The following DOCK2 variants were observed in gnomAD, a reference collection of about 807,000 sequenced individuals.
DOCK2 encodes dedicator of cytokinesis protein 2.
In DOCK2, 87 loss-of-function variants were observed where a neutral mutation model predicts 248.9. The observed-to-expected ratio is 0.35, with a 90% CI of 0.29 to 0.42. The LOEUF is 0.42. Among genes scored for constraint, DOCK2 ranks in the 10% least tolerant of loss-of-function variants. The pLI is 1.00. For synonymous variants in DOCK2, 805 were observed against 821.6 expected, an observed-to-expected ratio of 0.98 and a Z score of 0.35; for missense variants, 1,747 against 2,300.2, an observed-to-expected ratio of 0.76 and a Z score of 4.92.
intron 27 of DOCK2, among the ~76,000 whole-genome samples, chr5:169,952,768 C>A (rs890011065): frequency 3.3e-5 from 5 of 152,128 alleles, no homozygotes; most frequent in African/African-American, 1.2e-4. Context: ...TCGTTTGATG[C>A]CGTTTCAATC....
At chr5:169,693,419 T>A (rs1561606005) in intron 9 of DOCK2, among the ~76,000 whole-genome samples, 1 of 152,132 alleles carries the variant, frequency 6.6e-6, no homozygotes, top group Non-Finnish European at 1.5e-5. Flanking sequence ...TCCTTTCATG[T>A]CAACTGGGAA....
At chr5:169,669,778 T>C (rs1239792903) in intron 3 of DOCK2, among the ~76,000 whole-genome samples, 1 of 152,230 alleles carries the variant, frequency 6.6e-6, no homozygotes, top group Non-Finnish European at 1.5e-5. Flanking sequence ...ATTGTCTCCA[T>C]GAGAGCAGGC....
At chr5:169,996,204 G>A in intron 30 of DOCK2, 40 bp downstream of exon 30, 1 of 1,599,056 alleles carries the variant, frequency 6.3e-7, no homozygotes, top group Non-Finnish European at 8.5e-7. Context: ...GAGCTGCCCA[G>A]GGCGTCTCTG....
intron 26 of DOCK2, among the ~76,000 whole-genome samples, chr5:169,828,297 A>T (rs951492486): frequency 2.0e-5 from 3 of 152,188 alleles, no homozygotes; most frequent in Non-Finnish European, 2.9e-5. Flanking sequence ...CTTTGCTAGT[A>T]GTTTTTCTAA....
chr5:169,906,491 GTT>G (rs141825304), intron 27 of DOCK2, among the ~76,000 whole-genome samples: 3,457 of 152,234 alleles, frequency 0.023, 116 homozygotes, highest in African/African-American at 0.075. Context: ...GTTACGTTAT[GTT>G]ATGTTATTTC....
chr5:169,993,449 C>A (rs1778259501), intron 29 of DOCK2, among the ~76,000 whole-genome samples: 1 of 152,124 alleles, frequency 6.6e-6, no homozygotes, highest in African/African-American at 2.4e-5. Context: ...GGTTACATTA[C>A]TGCTATTTCA....
chr5:169,951,832 T>C (rs1776678779), intron 27 of DOCK2, among the ~76,000 whole-genome samples: 1 of 152,122 alleles, frequency 6.6e-6, no homozygotes, highest in African/African-American at 2.4e-5. Context: ...ATGACAAAAC[T>C]GAGAAGCTGA....
chr5:169,722,414 C>T (rs1340287868), intron 22 of DOCK2, among the ~76,000 whole-genome samples: 1 of 152,184 alleles, frequency 6.6e-6, no homozygotes, highest in Admixed American at 6.5e-5. Flanking sequence ...TGTGCTGCAA[C>T]AGGAGTTGCT....
chr5:169,701,368 C>A (rs1365490512), intron 13 of DOCK2, among the ~76,000 whole-genome samples: 1 of 152,230 alleles, frequency 6.6e-6, no homozygotes, highest in Admixed American at 6.5e-5. Flanking sequence ...TTCACGATGG[C>A]TCTCACTGAC....
chr5:169,820,099 G>T (rs1768332879), intron 26 of DOCK2, among the ~76,000 whole-genome samples: 1 of 152,224 alleles, frequency 6.6e-6, no homozygotes, highest in South Asian at 2.1e-4. Context: ...GCTGAGGCTT[G>T]AGTAGGTAAA....
At chr5:169,866,600 C>G (rs1181880184) in intron 27 of DOCK2, among the ~76,000 whole-genome samples, 1 of 152,170 alleles carries the variant, frequency 6.6e-6, no homozygotes, top group Non-Finnish European at 1.5e-5. Context: ...AGACAATCTC[C>G]CTGGCCTCCT....
intron 25 of DOCK2, among the ~76,000 whole-genome samples, chr5:169,792,653 G>A (rs879347272): frequency 6.6e-6 from 1 of 152,046 alleles, no homozygotes; most frequent in Non-Finnish European, 1.5e-5. Flanking sequence ...CCAGTACAGA[G>A]GCAGCTTCGT....
chr5:170,030,933 C>G (rs1334905795), intron 34 of DOCK2, among the ~76,000 whole-genome samples: 1 of 152,184 alleles, frequency 6.6e-6, no homozygotes, highest in Non-Finnish European at 1.5e-5. Context: ...GCAACTGCAG[C>G]CTTGCATAGG....
intron 27 of DOCK2, among the ~76,000 whole-genome samples, chr5:169,904,836 G>A (rs1774179383): frequency 6.6e-6 from 1 of 152,160 alleles, no homozygotes; most frequent in Non-Finnish European, 1.5e-5. Flanking sequence ...ATTTCTGTGT[G>A]GGAGGGCCTG....
intron 23 of DOCK2, among the ~76,000 whole-genome samples, chr5:169,750,230 A>G (rs547984544): frequency 6.6e-6 from 1 of 152,332 alleles, no homozygotes; most frequent in African/African-American, 2.4e-5. Flanking sequence ...TAATTTCAGC[A>G]CCTGTTTCCC....
intron 44 of DOCK2, among the ~76,000 whole-genome samples, chr5:170,062,380 G>A (rs1188150911): frequency 2.0e-5 from 3 of 152,104 alleles, no homozygotes; most frequent in African/African-American, 7.2e-5. Context: ...TTCCCTCTGA[G>A]AGAAACTCAG....
chr5:169,692,225 C>G (rs1023132633), intron 9 of DOCK2, among the ~76,000 whole-genome samples: 4 of 152,222 alleles, frequency 2.6e-5, no homozygotes, highest in Admixed American at 2.6e-4. Context: ...CTACGAGGTT[C>G]CCTAAGATTT....
intron 1 of DOCK2, among the ~76,000 whole-genome samples, chr5:169,641,257 G>A (rs535332841): frequency 6.6e-6 from 1 of 152,314 alleles, no homozygotes; most frequent in Non-Finnish European, 1.5e-5. Flanking sequence ...AGACTCCAAC[G>A]TCTCTTTTTT....
intron 27 of DOCK2, among the ~76,000 whole-genome samples, chr5:169,892,019 G>T (rs74787197): frequency 2.0e-5 from 3 of 146,598 alleles, no homozygotes; most frequent in Non-Finnish European, 3.0e-5. Flanking sequence ...AAAAGAAAAA[G>T]AAAAAAGAAA....
Sources: gnomAD v4.1 joint callset for allele counts (sites outside exome capture counted in the v4.1 genomes callset) on GRCh38, gnomAD v4.1.1 for gene constraint, MANE v1.5 for transcripts, NCBI Gene and HGNC (gene_info 2026-07-23, HGNC 2026-07-21) for gene names.